OSTF1: variants seen among roughly 807,000 people sequenced by gnomAD.
OSTF1 encodes the protein osteoclast stimulating factor 1, also known as osteoclast-stimulating factor 1.
Under a neutral mutation model 37.2 loss-of-function variants are expected in OSTF1, and 27 were observed. The observed-to-expected ratio is 0.73, with a 90% CI of 0.54 to 1.00. The LOEUF is 1.00. Ranked by LOEUF, OSTF1 falls within the 50% of genes least tolerant of loss-of-function variation. The pLI, the probability that OSTF1 is intolerant of heterozygous loss-of-function variation, is 0.00. For missense variants in OSTF1, 232 were observed against 253.8 expected (o/e 0.91, Z 0.58); for synonymous variants, 82 against 89.2 (o/e 0.92, Z 0.46).
At chr9:75,106,897 T>G (rs1825294998) in intron 1 of OSTF1, among the ~76,000 whole-genome samples, 1 of 146,442 alleles carries the variant, frequency 6.8e-6, no homozygotes, top group African/African-American at 2.5e-5. Context: ...GAGGTTGCAG[T>G]GAGCCCAGAT....
intron 1 of OSTF1, among the ~76,000 whole-genome samples, chr9:75,098,907 GA>G (rs1825137358): frequency 1.3e-5 from 2 of 152,192 alleles, no homozygotes; most frequent in Admixed American, 1.3e-4. Context: ...TATACTGGCA[GA>G]AACCAAAAGC....
intron 3 of OSTF1, among the ~76,000 whole-genome samples, chr9:75,129,313 A>T (rs1825726110): frequency 1.3e-5 from 2 of 152,194 alleles, no homozygotes; most frequent in Non-Finnish European, 2.9e-5. Context: ...ATCACCATTT[A>T]TTCTGTGTTT....
At chr9:75,125,523 G>A (rs1304349168) in intron 2 of OSTF1, among the ~76,000 whole-genome samples, 20 of 152,154 alleles carry the variant, frequency 1.3e-4, no homozygotes, top group Admixed American at 1.3e-3. Flanking sequence ...ACAAGGTCTA[G>A]TACATATAAC....
chr9:75,101,414 A>G (rs1825191795), intron 1 of OSTF1, among the ~76,000 whole-genome samples: 1 of 152,230 alleles, frequency 6.6e-6, no homozygotes. Context: ...CTTAGTGAGT[A>G]GATGATCTTG....
In OSTF1 at chr9:75,088,678, G is replaced by A; in HGVS notation, c.-15G>A. On this transcript the variant is annotated 5_prime_UTR_variant, in exon 1 of 10. Transcript: ENST00000346234. ...TTCGGCGGGGTCTTTAGGATTTGCA[G>A]CTCCAGGAAGCGAGATGTCGAAGCC... 6.2e-7 allele frequency: 1 copy of A among 1,607,122 alleles called. No homozygotes were observed. Among genetic ancestry groups the A allele is most frequent in the Non-Finnish European group, 8.5e-7 (1 of 1,176,714 alleles).
chr9:75,122,893 G>A (rs1289120974), intron 2 of OSTF1, among the ~76,000 whole-genome samples: 1 of 152,128 alleles, frequency 6.6e-6, no homozygotes, highest in African/African-American at 2.4e-5. Context: ...GCTTCAGACT[G>A]ACAAATCTTA....
intron 1 of OSTF1, among the ~76,000 whole-genome samples, chr9:75,110,303 A>C (rs1017192556): frequency 6.6e-6 from 1 of 152,104 alleles, no homozygotes; most frequent in Non-Finnish European, 1.5e-5. Context: ...CTGTTTCCAT[A>C]GTTTTGCCTT....
At chr9:75,131,123 TAA>T (rs1359514258) in intron 4 of OSTF1, among the ~76,000 whole-genome samples, 2 of 152,318 alleles carry the variant, frequency 1.3e-5, no homozygotes, top group Admixed American at 1.3e-4. Context: ...GACAAACAGA[TAA>T]AACACTTGTT....
chr9:75,104,708 G>C (rs1221411148), intron 1 of OSTF1, among the ~76,000 whole-genome samples: 1 of 152,162 alleles, frequency 6.6e-6, no homozygotes, highest in Non-Finnish European at 1.5e-5. Flanking sequence ...GTAATTAATA[G>C]TAGCTAACAT....
At chr9:75,115,961 G>T (rs890435419) in intron 1 of OSTF1, among the ~76,000 whole-genome samples, 1 of 151,998 alleles carries the variant, frequency 6.6e-6, no homozygotes, top group Non-Finnish European at 1.5e-5. Flanking sequence ...AAAATTAGCT[G>T]GGTATGGTGG....
Position 75,088,518 on chromosome 9 carries a change from G to T in OSTF1, c.-175G>T. On this transcript the variant is annotated 5_prime_UTR_variant, in exon 1 of 10. Coordinates refer to ENST00000346234, the MANE Select transcript of OSTF1 (RefSeq NM_012383.5). The stretch of plus-strand genomic sequence containing the variant: ...GGCCGCGGGGCGGGGCGGAGCACTC[G>T]GCGGAGCCGCTCTGCCTGCGTCCGC... 1 of 683,328 alleles carries T rather than the reference G, an allele frequency of 1.5e-6. No homozygotes were observed. Among genetic ancestry groups the T allele is most frequent in the Non-Finnish European group, 2.5e-6 (1 of 404,322 alleles). 42.3% of individuals were successfully genotyped at this position (683,328 alleles called of 1,614,324 possible). A position where few individuals can be genotyped will look rare whatever the true frequency, so the allele number is the denominator to read the frequency against.
intron 9 of OSTF1, among the ~76,000 whole-genome samples, chr9:75,141,312 C>CAAAAAA (rs529293090): frequency 3.8e-4 from 27 of 71,650 alleles, no homozygotes; most frequent in East Asian, 1.1e-3. Flanking sequence ...AAAAGAAAAC[C>CAAAAAA]AAAAAAAAAA....
chr9:75,101,870 G>A (rs907010484), intron 1 of OSTF1, among the ~76,000 whole-genome samples: 5 of 152,142 alleles, frequency 3.3e-5, no homozygotes, highest in African/African-American at 7.2e-5. Context: ...TTTGAAAGAG[G>A]TTGCACTATA....
At chr9:75,135,990 AG>A (rs1825836833) in intron 7 of OSTF1, among the ~76,000 whole-genome samples, 1 of 152,158 alleles carries the variant, frequency 6.6e-6, no homozygotes, top group South Asian at 2.1e-4. Context: ...CCACCTGGTT[AG>A]GTCAGGCCCA....
At chr9:75,124,669 A>G (rs867313306) in intron 2 of OSTF1, among the ~76,000 whole-genome samples, 4 of 152,200 alleles carry the variant, frequency 2.6e-5, no homozygotes, top group African/African-American at 9.7e-5. Context: ...TGTACCCATT[A>G]AACAGTTACT....
chr9:75,138,967 A>T (rs1825884898), intron 8 of OSTF1, among the ~76,000 whole-genome samples: 1 of 151,140 alleles, frequency 6.6e-6, no homozygotes, highest in African/African-American at 2.4e-5. Context: ...TTATATTACT[A>T]ATTAAACATA....
At position 75,091,209 on chromosome 9, in the gene OSTF1, C is replaced by T. The variant is rs189909356; in HGVS notation, c.34+2483C>T. 7.3e-5 allele frequency among the ~76,000 whole-genome samples: 11 copies of T among 151,662 alleles called. No homozygotes were observed. The South Asian group carries it at 1.9e-3, about 26-fold the overall frequency. ...CAAGCAATTCTCTGCCTCAGCCTCC[C>T]GAGCAGCTGGGATTACAGGCAGCCC... On this transcript the variant is annotated intron_variant, in intron 1 of 9. Transcript: ENST00000346234.
chr9:75,111,811 C>CTT lies in OSTF1; in HGVS notation c.35-5664_35-5663dup, dbSNP rs535464490. On this transcript the variant is annotated intron_variant, in intron 1 of 9. Coordinates refer to ENST00000346234, the MANE Select transcript of OSTF1 (RefSeq NM_012383.5). ...TGGTGATCTATTAAGATGTTTACTG[C>CTT]TTTTTTTTTTTTTTTTTTTTTTTTT... 5.8e-3 allele frequency among the ~76,000 whole-genome samples: 304 copies of CTT among 52,164 alleles called. 60 individuals are homozygous for CTT. Among genetic ancestry groups the CTT allele is most frequent in the African/African-American group, 0.016 (196 of 12,606 alleles). The allele number at this position is 52,164 out of a possible 152,430, so 34.2% of individuals were successfully genotyped here.
At chr9:75,091,746 G>C (rs1424219585) in intron 1 of OSTF1, among the ~76,000 whole-genome samples, 1 of 152,154 alleles carries the variant, frequency 6.6e-6, no homozygotes, top group African/African-American at 2.4e-5. Flanking sequence ...TCTAGAGGAA[G>C]GGAAGAATAG....
Sources: gnomAD v4.1 joint callset for allele counts (sites outside exome capture counted in the v4.1 genomes callset) on GRCh38, gnomAD v4.1.1 for gene constraint, MANE v1.5 for transcripts, NCBI Gene and HGNC (gene_info 2026-07-23, HGNC 2026-07-21) for gene names.